Variants in PCDHA5 observed in about 807,000 individuals in gnomAD.
PCDHA5 encodes protocadherin alpha-5.
In PCDHA5, 43 loss-of-function variants were observed where a neutral mutation model predicts 61.6. The ratio of observed to expected loss-of-function variants is 0.70; its 90% confidence interval spans 0.55 to 0.90. PCDHA5 has a LOEUF of 0.90. Ranked by LOEUF, PCDHA5 falls within the 40% of genes least tolerant of loss-of-function variation. The pLI, the probability that PCDHA5 is intolerant of heterozygous loss-of-function variation, is 0.00. For missense variants in PCDHA5, 1,298 were observed against 1,222.7 expected, an observed-to-expected ratio of 1.06 and a Z score of -0.92; for synonymous variants, 627 against 543.9, an observed-to-expected ratio of 1.15 and a Z score of -2.13.
chr5:141,006,535 G>A (rs1473022946), intron 3 of PCDHA5, among the ~76,000 whole-genome samples: 1 of 152,118 alleles, frequency 6.6e-6, no homozygotes, highest in Non-Finnish European at 1.5e-5. Context: ...TTTTTAAAGA[G>A]AGACATTAAG....
In PCDHA5 at chr5:140,823,280, C is replaced by G; in HGVS notation, c.1505C>G (p.Pro502Arg). 1 of 1,612,450 alleles carries G rather than the reference C, an allele frequency of 6.2e-7. No individual in the cohort carries two copies. Among genetic ancestry groups the G allele is most frequent in the Non-Finnish European group, 8.5e-7 (1 of 1,179,756 alleles). Residue 502 changes from proline (P) to arginine (R), a missense_variant, in exon 1 of 4, where the codon CCG becomes CGG. Pro to Arg is a moderately radical substitution (Grantham distance 103). Transcript: ENST00000529859. ...SLVERRVGERPLSSYVSVHAE... is the reference protein window; with the variant it reads ...SLVERRVGERRLSSYVSVHAE... ...GTGGAGCGGCGGGTGGGCGAGCGCC[C>G]GCTGTCGAGTTACGTTTCGGTGCAC...
chr5:140,924,293 C>T (rs2081770008), intron 1 of PCDHA5, among the ~76,000 whole-genome samples: 1 of 152,192 alleles, frequency 6.6e-6, no homozygotes, highest in African/African-American at 2.4e-5. Context: ...AATAGGCTGA[C>T]ATGTTTCCTC....
intron 3 of PCDHA5, among the ~76,000 whole-genome samples, chr5:140,985,312 G>C (rs961087434): frequency 2.0e-5 from 3 of 152,102 alleles, no homozygotes; most frequent in Non-Finnish European, 2.9e-5. Flanking sequence ...TAGCCTGGTG[G>C]CCAGAATTCA....
At position 140,835,851 on chromosome 5, in the gene PCDHA5, G is replaced by C. The variant is rs2150246583; in HGVS notation, c.2352+11724G>C. 1.9e-5 allele frequency: 30 copies of C among 1,612,172 alleles called. No homozygotes were observed. In the South Asian group the frequency reaches 3.0e-4, roughly 16 times the overall value. ...CGCGGACGCGCAGAAGAACGCGCTG[G>C]TGTCCTACTCGCTGGTGGAGCTGCG... On this transcript the variant is annotated intron_variant, in intron 1 of 3. Coordinates refer to ENST00000529859, the MANE Select transcript of PCDHA5 (RefSeq NM_018908.3).
chr5:140,911,445 A>C (rs1327839733), intron 1 of PCDHA5, among the ~76,000 whole-genome samples: 1 of 152,184 alleles, frequency 6.6e-6, no homozygotes, highest in Non-Finnish European at 1.5e-5. Context: ...CCGCAATTTC[A>C]GCTCTTTCTC....
At chr5:140,844,536 C>T (rs945538914) in intron 1 of PCDHA5, among the ~76,000 whole-genome samples, 1 of 149,252 alleles carries the variant, frequency 6.7e-6, no homozygotes, top group South Asian at 2.1e-4. Flanking sequence ...AATCATTCAA[C>T]CCTTTGTTCA....
intron 1 of PCDHA5, chr5:140,830,369 T>C: frequency 6.2e-7 from 1 of 1,614,088 alleles, no homozygotes; most frequent in African/African-American, 1.3e-5. Context: ...GAGGGTGTGC[T>C]CCGGGGAGGG....
chr5:140,841,273 T>G, intron 1 of PCDHA5: 30 of 1,504,326 alleles, frequency 2.0e-5, no homozygotes, highest in Middle Eastern at 1.8e-4. Context: ...GTACAGTCGT[T>G]CATCTTTATA....
At chr5:140,926,131 A>G (rs2082931602) in intron 1 of PCDHA5, among the ~76,000 whole-genome samples, 1 of 152,076 alleles carries the variant, frequency 6.6e-6, no homozygotes, top group Non-Finnish European at 1.5e-5. Context: ...TTCAACCCGC[A>G]GCAGGATCCA....
rs148906083 is a variant in PCDHA5, at chr5:140,906,715, A to C, written c.2353-72234A>C. ...CTGGGCCATTTGTAGTCCTGCCTGG[A>C]TTGTGCTGTTGTAGTTTCCCATTGA... On this transcript the variant is annotated intron_variant, in intron 1 of 3. Transcript: ENST00000529859. Among the ~76,000 whole-genome samples, 692 of 152,238 alleles carry C rather than the reference A, an allele frequency of 4.5e-3. 12 individuals carry two copies. The highest frequency in any genetic ancestry group is 0.027 in the Middle Eastern group (8 of 294).
chr5:140,907,066 G>A (rs748785005), intron 1 of PCDHA5, among the ~76,000 whole-genome samples: 6 of 152,096 alleles, frequency 3.9e-5, no homozygotes, highest in Non-Finnish European at 8.8e-5. Context: ...TTTACTAGTG[G>A]GTCACTAGGG....
intron 3 of PCDHA5, among the ~76,000 whole-genome samples, chr5:140,991,446 A>G (rs782325342): frequency 6.6e-6 from 1 of 152,202 alleles, no homozygotes; most frequent in Non-Finnish European, 1.5e-5. Flanking sequence ...ATGGCTTAAA[A>G]CAACACAATG....
Position 140,829,625 on chromosome 5 carries a change from G to A in PCDHA5, c.2352+5498G>A, listed in dbSNP as rs138462086. 388 of 1,612,150 alleles carry A rather than the reference G, an allele frequency of 2.4e-4. No homozygotes were observed. The highest frequency in any genetic ancestry group is 2.9e-4 in the Non-Finnish European group (345 of 1,179,766). On this transcript the variant is annotated intron_variant, in intron 1 of 3. Coordinates refer to ENST00000529859, the MANE Select transcript of PCDHA5 (RefSeq NM_018908.3). ...GTTGTCGAGCTACATTTCGGTGCAC[G>A]CGGAGAGCGGCAAGGTGTACGCGCT...
intron 1 of PCDHA5, among the ~76,000 whole-genome samples, chr5:140,954,220 T>C (rs782685715): frequency 2.0e-5 from 3 of 152,240 alleles, no homozygotes; most frequent in African/African-American, 4.8e-5. Context: ...GTTTTTGCTA[T>C]TGTGAATAGT....
chr5:140,824,376 A>G, intron 1 of PCDHA5: 2 of 567,188 alleles, frequency 3.5e-6, no homozygotes, highest in Non-Finnish European at 6.1e-6. Context: ...TGAATTTTGC[A>G]TCTCTAAAAA....
chr5:140,874,745 A>G (rs2055087824), intron 1 of PCDHA5, among the ~76,000 whole-genome samples: 2 of 152,242 alleles, frequency 1.3e-5, no homozygotes, highest in African/African-American at 4.8e-5. Flanking sequence ...GCATCAAGGA[A>G]CCAAACAATA....
rs2150365514 is a variant in PCDHA5 at position 140,843,720 on chromosome 5, G to C, written c.2352+19593G>C. 5.1e-6 allele frequency: 8 copies of C among 1,565,554 alleles called. 1 individual carries two copies. The South Asian group carries it at 9.0e-5, about 18-fold the overall frequency. ...AATGTTGATCATGGCCTCAAAGTAA[G>C]TCCATTTAAATTTAGAACTCATAAA... is the stretch of plus-strand genomic sequence containing the variant. On this transcript the variant is annotated intron_variant, in intron 1 of 3. Coordinates refer to ENST00000529859, the MANE Select transcript of PCDHA5 (RefSeq NM_018908.3).
intron 1 of PCDHA5, among the ~76,000 whole-genome samples, chr5:140,918,298 A>G (rs2078622610): frequency 6.6e-6 from 1 of 152,150 alleles, no homozygotes; most frequent in Non-Finnish European, 1.5e-5. Context: ...GGCAGAGAAT[A>G]TAGGGTTTTC....
At chr5:140,875,740 A>G (rs377133743) in intron 1 of PCDHA5, 14 of 1,614,104 alleles carry the variant, frequency 8.7e-6, no homozygotes, top group Non-Finnish European at 1.2e-5. Context: ...GAATTCTCGG[A>G]TCGACCGCGA....
Sources: allele counts gnomAD v4.1 joint callset (sites outside exome capture counted in the v4.1 genomes callset), GRCh38; gene constraint gnomAD v4.1.1; transcripts MANE v1.5; gene names NCBI Gene and HGNC (gene_info 2026-07-23, HGNC 2026-07-21).